Variants in LAMC1 observed in about 807,000 individuals in gnomAD.
The protein encoded by LAMC1 is laminin subunit gamma 1.
A neutral mutation model predicts 173.6 loss-of-function variants in LAMC1; 38 were observed. The ratio of observed to expected loss-of-function variants is 0.22; its 90% CI spans 0.17 to 0.29. The LOEUF is 0.29. LAMC1 is among the 10% of genes least tolerant of loss of function. The pLI is 1.00. For synonymous variants in LAMC1, 746 were observed against 749.1 expected, an observed-to-expected ratio of 1.00 and a Z score of 0.07; for missense variants, 1,824 against 2,051.8, an observed-to-expected ratio of 0.89 and a Z score of 2.14.
chr1:183,096,064 T>G (rs1316961794), intron 1 of LAMC1, among the ~76,000 whole-genome samples: 1 of 152,170 alleles, frequency 6.6e-6, no homozygotes, highest in Non-Finnish European at 1.5e-5. Context: ...TACTGAAGTG[T>G]ATATGGCATT....
intron 1 of LAMC1, among the ~76,000 whole-genome samples, chr1:183,077,873 G>A (rs1655161534): frequency 6.6e-6 from 1 of 150,432 alleles, no homozygotes; most frequent in African/African-American, 2.4e-5. Context: ...ATTGTGAATT[G>A]TGCTGTTATA....
intron 1 of LAMC1, among the ~76,000 whole-genome samples, chr1:183,061,987 T>C (rs1571415865): frequency 6.6e-6 from 1 of 152,370 alleles, no homozygotes; most frequent in East Asian, 1.9e-4. Flanking sequence ...TAGTGCCAGT[T>C]GACTCTGCAC....
At chr1:183,140,245 C>CAAACAAAAAAAAAAA (rs1657070333) in intron 26 of LAMC1, among the ~76,000 whole-genome samples, 159 bp from the exon 27 acceptor site, 1 of 52,936 alleles carries the variant, frequency 1.9e-5, no homozygotes, top group Non-Finnish European at 3.4e-5. Flanking sequence ...GCAGCCCCAC[C>CAAACAAAAAAAAAAA]AAAAAAAAAA....
chr1:183,104,619 A>G lies in LAMC1; in HGVS notation c.723+987A>G, dbSNP rs182731292. Among the ~76,000 whole-genome samples, 466 of 152,292 alleles carry G rather than the reference A, an allele frequency of 3.1e-3. 3 individuals are homozygous for G. Among genetic ancestry groups the G allele is most frequent in the African/African-American group, 0.011 (445 of 41,552 alleles). ...AATACCCCATTTTTCTAGGGTTTCT[A>G]ATTTGGATCTTCTTATTCTTTCTCA... On this transcript the variant is annotated intron_variant, in intron 2 of 27. Transcript: ENST00000258341.
In LAMC1 at chr1:183,120,167, CAAAAAAAA is replaced by C. The variant is rs55642592; in HGVS notation, c.1991-1540_1991-1533del. On this transcript the variant is annotated intron_variant, in intron 11 of 27. Coordinates refer to ENST00000258341, the MANE Select transcript of LAMC1 (RefSeq NM_002293.4). ...CTGAGTTTACAGAGTGGATCTATCTCAAAAAAAAAAAAAAAAAAAAAAAGGTGGCGGGG... is the reference window on the plus strand; with the variant it reads ...CTGAGTTTACAGAGTGGATCTATCTCAAAAAAAAAAAAAAAGGTGGCGGGG... 1.4e-3 allele frequency among the ~76,000 whole-genome samples: 92 copies of C among 64,740 alleles called. 2 individuals are homozygous for C. In the South Asian group the frequency reaches 0.073, roughly 51 times the overall value. 42.5% of individuals were successfully genotyped at this position (64,740 alleles called of 152,430 possible).
Position 183,133,562 on chromosome 1 carries a change from G to A in LAMC1, c.3849+12G>A, listed in dbSNP as rs779266498. 15 of 1,603,296 alleles carry A rather than the reference G, an allele frequency of 9.4e-6. No individual in the cohort carries two copies. Among genetic ancestry groups the A allele is most frequent in the Admixed American group, 1.7e-5 (1 of 59,446 alleles). On this transcript the variant is annotated intron_variant, in intron 22 of 27. Coordinates refer to ENST00000258341, the MANE Select transcript of LAMC1 (RefSeq NM_002293.4). ...CTGAGACACTGGAGGTATGGGGGCA[G>A]CCTGTACGCACAGCCCCACCCCGTC... is the stretch of plus-strand genomic sequence containing the variant.
intron 20 of LAMC1, 41 bp from the exon 21 acceptor site, chr1:183,132,359 G>C (rs763259247): frequency 7.9e-5 from 121 of 1,534,530 alleles, no homozygotes; most frequent in Non-Finnish European, 1.1e-4. Context: ...GTCCCTATCA[G>C]ATGGTTGTTT....
In LAMC1 at chr1:183,127,233, C is replaced by T; in HGVS notation, c.2952C>T (p.Asp984=). ...GFGPEGCKPC[D]CHPEGSLSLQ... Reference sequence around the variant, plus strand: ...TTTCTCCTTATTCTGCAGCCTGTGACTGTCATCCTGAGGGATCTCTTTCAC... The same window carrying T: ...TTTCTCCTTATTCTGCAGCCTGTGATTGTCATCCTGAGGGATCTCTTTCAC... Residue 984 remains aspartate, a synonymous_variant, in exon 17 of 28, where the codon GAC becomes GAT. Transcript: ENST00000258341. 1 of 1,613,796 alleles carries T rather than the reference C, an allele frequency of 6.2e-7. No homozygotes were observed.
At chr1:183,044,279 T>C (rs995198069) in intron 1 of LAMC1, among the ~76,000 whole-genome samples, 2 of 152,150 alleles carry the variant, frequency 1.3e-5, no homozygotes, top group African/African-American at 2.4e-5. Context: ...CTAGTTTCTT[T>C]TGGAAGAAAA....
At chr1:183,126,834 C>CA (rs1431682569) in intron 16 of LAMC1, among the ~76,000 whole-genome samples, 2 of 152,194 alleles carry the variant, frequency 1.3e-5, no homozygotes, top group Non-Finnish European at 2.9e-5. Flanking sequence ...AGTGAATAAA[C>CA]AAACTATAAG....
intron 1 of LAMC1, among the ~76,000 whole-genome samples, chr1:183,049,557 G>A (rs778615981): frequency 2.0e-5 from 3 of 151,450 alleles, no homozygotes; most frequent in African/African-American, 4.9e-5. Context: ...TCCGCTTCCC[G>A]GGTTCAAGCA....
At chr1:183,058,287 G>C (rs1207323554) in intron 1 of LAMC1, among the ~76,000 whole-genome samples, 2 of 152,190 alleles carry the variant, frequency 1.3e-5, no homozygotes. Context: ...TAAGGATATT[G>C]AGGGTGACTG....
At chr1:183,116,934 G>T (rs1269087376) in intron 8 of LAMC1, 31 bp downstream of exon 8, 1 of 1,579,664 alleles carries the variant, frequency 6.3e-7, no homozygotes, top group African/African-American at 1.4e-5. Flanking sequence ...CAACCTGTTA[G>T]AACTGTGAGA....
intron 1 of LAMC1, among the ~76,000 whole-genome samples, chr1:183,041,234 G>T (rs1195731435): frequency 6.6e-6 from 1 of 152,170 alleles, no homozygotes; most frequent in Non-Finnish European, 1.5e-5. Context: ...AGGAGTACAA[G>T]TTCTGTGCAT....
chr1:183,121,342 C>T (rs886670245), intron 11 of LAMC1, among the ~76,000 whole-genome samples: 2 of 152,094 alleles, frequency 1.3e-5, no homozygotes, highest in African/African-American at 2.4e-5. Context: ...AGGAGAATTG[C>T]TTGAACCCAG....
intron 3 of LAMC1, among the ~76,000 whole-genome samples, chr1:183,108,795 G>C (rs942135296): frequency 2.6e-5 from 4 of 152,194 alleles, no homozygotes; most frequent in African/African-American, 9.7e-5. Context: ...GGCAATGTAT[G>C]AATATGTGAA....
At chr1:183,065,520 A>G (rs1205474447) in intron 1 of LAMC1, among the ~76,000 whole-genome samples, 3 of 152,188 alleles carry the variant, frequency 2.0e-5, no homozygotes, top group Non-Finnish European at 2.9e-5. Flanking sequence ...ACATTGGATG[A>G]GGCCCACCCA....
rs56123159 is a variant in LAMC1, at chr1:183,131,462, T to TG, written c.3566+84_3566+85insG. The TG allele has an allele frequency of 3.7e-3, 3,062 of 836,726 alleles. 147 individuals are homozygous for TG. The highest frequency in any genetic ancestry group is 4.2e-3 in the Non-Finnish European group (2,162 of 515,732). The allele number at this position is 836,726 out of a possible 1,614,324, so 51.8% of individuals were successfully genotyped here. On this transcript the variant is annotated intron_variant, in intron 20 of 27. Coordinates refer to ENST00000258341, the MANE Select transcript of LAMC1 (RefSeq NM_002293.4). ...GTGTGTGTGTGTGTGTGTGTGTGTATTGTCTTATCCCATAACCCATAAACA... is the reference window on the plus strand; with the variant it reads ...GTGTGTGTGTGTGTGTGTGTGTGTATGTGTCTTATCCCATAACCCATAAACA...
intron 1 of LAMC1, among the ~76,000 whole-genome samples, chr1:183,078,178 A>G (rs1192874342): frequency 6.6e-6 from 1 of 152,172 alleles, no homozygotes; most frequent in Non-Finnish European, 1.5e-5. Flanking sequence ...GATATTTATC[A>G]CATTGGAATG....
Sources: allele counts gnomAD v4.1 joint callset (sites outside exome capture counted in the v4.1 genomes callset), GRCh38; gene constraint gnomAD v4.1.1; transcripts MANE v1.5; gene names NCBI Gene and HGNC (gene_info 2026-07-23, HGNC 2026-07-21).